ARRDC1: variants seen among roughly 807,000 people sequenced by gnomAD.
ARRDC1 encodes the protein arrestin domain-containing protein 1.
A neutral mutation model predicts 40.1 loss-of-function variants in ARRDC1; 37 were observed. The ratio of observed to expected loss-of-function variants is 0.92; its 90% CI spans 0.71 to 1.21. The LOEUF (loss-of-function observed/expected upper bound fraction) is 1.21. ARRDC1 is among the 50% of genes most tolerant of loss of function. The probability of loss-of-function intolerance (pLI) is 0.00; values close to 1 mark genes in which losing one functional copy is unlikely to be tolerated. For missense variants in ARRDC1, 641 were observed against 581.9 expected, an observed-to-expected ratio of 1.10 and a Z score of -1.04; for synonymous variants, 310 against 262.5, an observed-to-expected ratio of 1.18 and a Z score of -1.75.
Position 137,614,795 on chromosome 9 carries a change from CCT to C in ARRDC1, c.1033_1034del (p.Leu345AlafsTer68). 6.2e-7 allele frequency: 1 copy of C among 1,612,684 alleles called. No individual in the cohort carries two copies. ...STKSHSQRQP[L>X]LATLSSVPGA... ...CCAAGAGCCATTCGCAGCGGCAGCCCCTGCTGGCCACCTTGAGTTCTGTGCCT... is the reference window on the plus strand; with the variant it reads ...CCAAGAGCCATTCGCAGCGGCAGCCCGCTGGCCACCTTGAGTTCTGTGCCT... On this transcript the variant is annotated frameshift_variant, in exon 7 of 8. Coordinates refer to ENST00000371421, the MANE Select transcript of ARRDC1 (RefSeq NM_152285.4). LOFTEE classifies it high-confidence loss of function.
intron 1 of ARRDC1, chr9:137,611,977 C>T (rs868093200): frequency 6.6e-6 from 1 of 152,282 alleles, no homozygotes; most frequent in Non-Finnish European, 1.5e-5. Context: ...CCTCACGTGA[C>T]CCCCACCAGG....
At chr9:137,611,913 A>G (rs1368687749) in intron 1 of ARRDC1, 1 of 152,166 alleles carries the variant, frequency 6.6e-6, no homozygotes, top group Non-Finnish European at 1.5e-5. Context: ...GCACACCGGT[A>G]CTCCTCCTGC....
In ARRDC1 at chr9:137,614,702, C is replaced by G. The variant is rs1413847051; in HGVS notation, c.939C>G (p.Pro313=). The G allele has an allele frequency of 1.2e-6, 2 of 1,611,102 alleles. No individual in the cohort carries two copies. The highest frequency in any genetic ancestry group is 1.1e-5 in the South Asian group (1 of 90,954). The part of the protein sequence containing the change: ...APPLVVPSAP[P]QEEAEAEAAA... ...CCCTGGTGGTGCCTTCCGCACCACC[C>G]CAGGAGGAGGCTGAGGCTGAGGCTG... Residue 313 remains proline (P), a synonymous_variant, in exon 7 of 8, where the codon CCC becomes CCG. Coordinates refer to ENST00000371421, the MANE Select transcript of ARRDC1 (RefSeq NM_152285.4).
chr9:137,612,113 ACTT>A (rs1315964496), intron 1 of ARRDC1: 2 of 152,444 alleles, frequency 1.3e-5, no homozygotes, highest in African/African-American at 2.4e-5. Context: ...TGCTGTGTGT[ACTT>A]CTGCTGCGTC....
chr9:137,614,516 G>C (rs1171908101), intron 6 of ARRDC1, 41 bp downstream of exon 6: 1 of 1,613,014 alleles, frequency 6.2e-7, no homozygotes, highest in East Asian at 2.2e-5. Context: ...AGGCCTAGTG[G>C]CCTTGGCCCT....
chr9:137,613,113 G>T, intron 2 of ARRDC1, 107 bp downstream of exon 2: 1 of 932,740 alleles, frequency 1.1e-6, no homozygotes, highest in South Asian at 1.4e-5. Context: ...CTTGGATCTG[G>T]CACTGGCCCA....
chr9:137,608,045 C>A (rs908471920), intron 1 of ARRDC1, among the ~76,000 whole-genome samples: 3 of 152,162 alleles, frequency 2.0e-5, no homozygotes, highest in Admixed American at 6.5e-5. Flanking sequence ...TGTGCCGGCG[C>A]GATCTCGGCT....
At position 137,615,078 on chromosome 9, in the gene ARRDC1, CCCA is replaced by C. The variant is rs748963930; in HGVS notation, c.1245_1247del (p.Pro416del). 4 of 1,597,740 alleles carry C rather than the reference CCCA, an allele frequency of 2.5e-6. No individual in the cohort carries two copies. The South Asian group carries it at 3.4e-5, about 13-fold the overall frequency. Reference sequence around the variant, plus strand: ...GACCCTGCTTTCTTCCCGCAGAGGCCCCACCGTCTTATGAGCAGAGCTGCGGCG... The same window carrying C: ...GACCCTGCTTTCTTCCCGCAGAGGCCCCGTCTTATGAGCAGAGCTGCGGCG... On this transcript the variant is annotated inframe_deletion, in exon 8 of 8. Coordinates refer to ENST00000371421, the MANE Select transcript of ARRDC1 (RefSeq NM_152285.4).
In ARRDC1 at chr9:137,612,881, C is replaced by T; in HGVS notation, c.119-15C>T. The T allele has an allele frequency of 6.2e-7, 1 of 1,604,388 alleles. No individual in the cohort carries two copies. Among genetic ancestry groups the T allele is most frequent in the South Asian group, 1.1e-5 (1 of 90,678 alleles). The stretch of plus-strand genomic sequence containing the variant: ...CGTCGGCTGGCTGGGGCTCATGCAG[C>T]CATCCCCTTTGCAGCCATCCGGGTG... On this transcript the variant is annotated splice_polypyrimidine_tract_variant and intron_variant, in intron 1 of 7. Transcript: ENST00000371421.
Position 137,612,946 on chromosome 9 carries a change from G to A in ARRDC1, c.169G>A (p.Asp57Asn), listed in dbSNP as rs1026618491. Residue 57 changes from aspartate (D) to asparagine (N), a missense_variant, in exon 2 of 8, where the codon GAC becomes AAC. Asp to Asn is a conservative substitution (Grantham distance 23). Transcript: ENST00000371421. ...GSCGVSNKAN[D>N]TAWVVEEGYF... ...CTGCGGGGTCTCCAACAAGGCTAAT[G>A]ACACAGCGTGGGTAGTGGAGGAGGG... 2 of 1,614,194 alleles carry A rather than the reference G, an allele frequency of 1.2e-6. No individual in the cohort carries two copies. Among genetic ancestry groups the A allele is most frequent in the East Asian group, 2.2e-5 (1 of 44,890 alleles).
In ARRDC1 at chr9:137,615,161, A is replaced by G. The variant is rs1842650277; in HGVS notation, c.*23A>G. Reference sequence around the variant, plus strand: ...TGACCCCGTGCTGCCTTCTCCAGGCAGGCCTGGCCTCTGCCCTGGGACTGG... The same window carrying G: ...TGACCCCGTGCTGCCTTCTCCAGGCGGGCCTGGCCTCTGCCCTGGGACTGG... On this transcript the variant is annotated 3_prime_UTR_variant, in exon 8 of 8. Coordinates refer to ENST00000371421, the MANE Select transcript of ARRDC1 (RefSeq NM_152285.4). The G allele has an allele frequency of 6.6e-7, 1 of 1,510,834 alleles. No homozygotes were observed. The highest frequency in any genetic ancestry group is 1.4e-5 in the African/African-American group (1 of 71,530). The allele number at this position is 1,510,834 out of a possible 1,614,324, so 93.6% of individuals were successfully genotyped here.
rs528628609 is a variant in ARRDC1, at chr9:137,608,351, C to T, written c.118+2516C>T. ...GCAGGGCCCCTGCAAAGAGGTGCAACGTTCAAGTCCAGAAGGCGGAAGAAG... is the reference window on the plus strand; with the variant it reads ...GCAGGGCCCCTGCAAAGAGGTGCAATGTTCAAGTCCAGAAGGCGGAAGAAG... On this transcript the variant is annotated intron_variant, in intron 1 of 7. Transcript: ENST00000371421. Among the ~76,000 whole-genome samples, 6 of 152,312 alleles carry T rather than the reference C, an allele frequency of 3.9e-5. No homozygotes were observed. The South Asian group carries it at 8.3e-4, about 21-fold the overall frequency.
intron 2 of ARRDC1, 125 bp downstream of exon 2, chr9:137,613,131 C>T (rs1842568485): frequency 3.5e-6 from 3 of 867,146 alleles, no homozygotes; most frequent in Admixed American, 4.0e-5. Flanking sequence ...CCATCTTGTC[C>T]CAGGGTTGTG....
chr9:137,615,136 T>C lies in ARRDC1; in HGVS notation c.1300T>C (p.Ter434ArgextTer28), dbSNP rs772878243. ...GVEPSLTPES[*>R] ...GGAACCCAGCCTGACCCCTGAGAGC[T>C]GACCCCGTGCTGCCTTCTCCAGGCA... The change falls in exon 8 of 8, where the codon TGA (stop) becomes CGA (arginine). Residue 434 changes from the stop codon to arginine (R), a stop_lost. Coordinates refer to ENST00000371421, the MANE Select transcript of ARRDC1 (RefSeq NM_152285.4). 3 of 1,535,102 alleles carry C rather than the reference T, an allele frequency of 2.0e-6. No individual in the cohort carries two copies. The highest frequency in any genetic ancestry group is 2.6e-6 in the Non-Finnish European group (3 of 1,139,752).
chr9:137,607,824 G>A (rs1207216094), intron 1 of ARRDC1, among the ~76,000 whole-genome samples: 2 of 152,090 alleles, frequency 1.3e-5, no homozygotes. Context: ...GGGAGGGGCT[G>A]CTGAACAGGT....
chr9:137,608,227 C>T (rs1463554293), intron 1 of ARRDC1, among the ~76,000 whole-genome samples: 3 of 152,164 alleles, frequency 2.0e-5, no homozygotes, highest in Admixed American at 6.5e-5. Context: ...GTGATCCGCC[C>T]GCCTCGGCCT....
intron 1 of ARRDC1, among the ~76,000 whole-genome samples, chr9:137,609,099 TCTGGGTCTC>T (rs564719720): frequency 1.3e-3 from 204 of 152,296 alleles, no homozygotes; most frequent in African/African-American, 4.8e-3. Flanking sequence ...TAAGCGGAAT[TCTGGGTCTC>T]CTGGTATGCA....
At chr9:137,612,300 G>A (rs565963778) in intron 1 of ARRDC1, 317 of 154,888 alleles carry the variant, frequency 2.0e-3, no homozygotes, top group Admixed American at 4.2e-3. Context: ...CAGGGAGGCC[G>A]GAGAGGACTG....
At chr9:137,613,345 C>G in intron 2 of ARRDC1, 115 bp from the exon 3 acceptor site, 1 of 1,184,218 alleles carries the variant, frequency 8.4e-7, no homozygotes, top group Middle Eastern at 2.7e-4. Flanking sequence ...GTGACTGAGA[C>G]AGGGAGACCC....
Sources: allele counts gnomAD v4.1 joint callset (sites outside exome capture counted in the v4.1 genomes callset), GRCh38; gene constraint gnomAD v4.1.1; transcripts MANE v1.5; gene names NCBI Gene and HGNC (gene_info 2026-07-23, HGNC 2026-07-21).